OGA: variants seen among roughly 807,000 people sequenced by gnomAD.
OGA encodes protein O-GlcNAcase.
OGA carries 21 observed loss-of-function variants against 102.0 expected under a neutral mutation model. The observed-to-expected ratio is 0.21, with a 90% confidence interval of 0.15 to 0.30. The LOEUF is 0.30. OGA is among the 10% of genes least tolerant of loss of function. The pLI is 1.00. For missense variants in OGA, 765 were observed against 1,107.8 expected, an observed-to-expected ratio of 0.69 and a Z score of 4.39; for synonymous variants, 408 against 378.2, an observed-to-expected ratio of 1.08 and a Z score of -0.91.
intron 7 of OGA, among the ~76,000 whole-genome samples, chr10:101,801,756 T>G (rs1184363896): frequency 6.6e-6 from 1 of 152,018 alleles, no homozygotes; most frequent in Non-Finnish European, 1.5e-5. Flanking sequence ...AAAGCAGAGG[T>G]ATGGAATTGA....
At chr10:101,801,024 G>C (rs1393568592) in intron 7 of OGA, among the ~76,000 whole-genome samples, 1 of 151,864 alleles carries the variant, frequency 6.6e-6, no homozygotes, top group African/African-American at 2.4e-5. Flanking sequence ...GCCCACCTGG[G>C]CCTCCCAAAG....
intron 5 of OGA, among the ~76,000 whole-genome samples, chr10:101,807,512 A>G (rs980743898): frequency 3.9e-5 from 6 of 152,366 alleles, no homozygotes; most frequent in African/African-American, 1.4e-4. Context: ...TACTTCCAGT[A>G]CTTAAAAATA....
intron 15 of OGA, 97 bp downstream of exon 15, chr10:101,787,267 T>C (rs1044007975): frequency 4.0e-6 from 5 of 1,264,458 alleles, no homozygotes; most frequent in Admixed American, 2.3e-5. Context: ...AAAAGCAGTA[T>C]AAATTTACAA....
At chr10:101,798,347 G>A (rs1218706465) in intron 9 of OGA, among the ~76,000 whole-genome samples, 193 bp from the exon 10 acceptor site, 1 of 151,238 alleles carries the variant, frequency 6.6e-6, no homozygotes. Context: ...AACTAGAAGG[G>A]CAAACTATGA....
At position 101,813,577 on chromosome 10, in the gene OGA, G is replaced by T; in HGVS notation, c.229C>A (p.Gln77Lys). The T allele has an allele frequency of 1.3e-6, 2 of 1,558,652 alleles. No homozygotes were observed. The highest frequency in any genetic ancestry group is 1.8e-6 in the Non-Finnish European group (2 of 1,136,106). Residue 77 changes from glutamine to lysine, a missense_variant, in exon 2 of 16, where the codon CAG becomes AAG. By Grantham distance (53) the Gln-to-Lys change is moderately conservative (BLOSUM62 1). This residue lies in a region of OGA where 165 missense variants were observed against 249.7 expected (regional missense o/e 0.66). Transcript: ENST00000361464. Reference protein sequence around the residue: ...GFYGRPWVMEQRKELFRRLQK... With the variant: ...GFYGRPWVMEKRKELFRRLQK... Reference sequence around the variant, plus strand: ...TACCTTCTAAAGAGTTCTTTTCTCTGTTCCATAACCCAAGGTCTTCCATAA... The same window carrying T: ...TACCTTCTAAAGAGTTCTTTTCTCTTTTCCATAACCCAAGGTCTTCCATAA...
chr10:101,810,024 C>T (rs766884837), intron 4 of OGA, among the ~76,000 whole-genome samples, 160 bp downstream of exon 4: 14 of 151,934 alleles, frequency 9.2e-5, no homozygotes, highest in South Asian at 2.1e-4. Flanking sequence ...CCAGTCTGGG[C>T]GACAGAGCAA....
intron 6 of OGA, among the ~76,000 whole-genome samples, chr10:101,804,895 C>A (rs1343243401): frequency 3.3e-5 from 5 of 152,182 alleles, no homozygotes; most frequent in African/African-American, 9.7e-5. Flanking sequence ...ATGCACCCAG[C>A]CACAATTTTT....
In OGA at chr10:101,817,977, C is replaced by T. The variant is rs758138344; in HGVS notation, c.46G>A (p.Glu16Lys). The T allele has an allele frequency of 1.2e-6, 2 of 1,604,078 alleles. No individual in the cohort carries two copies. Among genetic ancestry groups the T allele is most frequent in the Non-Finnish European group, 1.7e-6 (2 of 1,173,956 alleles). The change falls in exon 1 of 16, where the codon GAG (glutamate) becomes AAG (lysine). Residue 16 changes from glutamate to lysine, a missense_variant. Coordinates refer to ENST00000361464, the MANE Select transcript of OGA (RefSeq NM_012215.5). Reference sequence around the variant, plus strand: ...GAGGCGGCAGGGTTGGAGCTGAGCTCGCTCTCCCGCTCCTCCAACGTCGCT... The same window carrying T: ...GAGGCGGCAGGGTTGGAGCTGAGCTTGCTCTCCCGCTCCTCCAACGTCGCT... Reference protein sequence around the residue: ...SQATLEERESELSSNPAASAG... With the variant: ...SQATLEERESKLSSNPAASAG...
At chr10:101,792,778 G>A in intron 12 of OGA, 61 bp downstream of exon 12, 2 of 1,200,286 alleles carry the variant, frequency 1.7e-6, no homozygotes, top group Non-Finnish European at 2.4e-6. Flanking sequence ...TGAGTTAAAA[G>A]GTTAAGTTTT....
chr10:101,818,341 C>T lies in OGA; in HGVS notation c.-319G>A. On this transcript the variant is annotated 5_prime_UTR_variant, in exon 1 of 16. Transcript: ENST00000361464. Reference sequence around the variant, plus strand: ...CCAAGGGTCCTGTCCTCGTTCTCTGCCTCTGCTGCCCTCCCGATAATCTTA... The same window carrying T: ...CCAAGGGTCCTGTCCTCGTTCTCTGTCTCTGCTGCCCTCCCGATAATCTTA... 1 of 1,124,634 alleles carries T rather than the reference C, an allele frequency of 8.9e-7. No homozygotes were observed. The highest frequency in any genetic ancestry group is 1.1e-6 in the Non-Finnish European group (1 of 916,792). 69.7% of individuals were successfully genotyped at this position (1,124,634 alleles called of 1,614,324 possible).
At chr10:101,794,766 C>T (rs1171743136) in intron 10 of OGA, among the ~76,000 whole-genome samples, 4 of 152,166 alleles carry the variant, frequency 2.6e-5, no homozygotes, top group African/African-American at 7.2e-5. Context: ...TTAAGGTCAC[C>T]AGTTAACTAA....
chr10:101,795,121 C>T (rs1408158007), intron 10 of OGA, among the ~76,000 whole-genome samples: 4 of 152,120 alleles, frequency 2.6e-5, no homozygotes, highest in African/African-American at 7.2e-5. Flanking sequence ...TTAGACTATA[C>T]GAGAACCTGT....
At chr10:101,793,197 AAAAC>A in intron 11 of OGA, among the ~76,000 whole-genome samples, 1 of 152,274 alleles carries the variant, frequency 6.6e-6, no homozygotes, top group South Asian at 2.1e-4. Flanking sequence ...AGTAAAAACA[AAAAC>A]AAAAACAAAA....
chr10:101,791,073 C>T lies in OGA; in HGVS notation c.2277G>A (p.Leu759=). Residue 759 remains leucine, a synonymous_variant, in exon 14 of 16, where the codon CTG becomes CTA. Coordinates refer to ENST00000361464, the MANE Select transcript of OGA (RefSeq NM_012215.5). The part of the protein sequence containing the change: ...DLIGDKLVGG[L]LSLSLDYCFV... Reference sequence around the variant, plus strand: ...AGCAGTAATCCAGGCTGAGGGAAAGCAGCCCTCCTACTAACCTGCTCAGAA... The same window carrying T: ...AGCAGTAATCCAGGCTGAGGGAAAGTAGCCCTCCTACTAACCTGCTCAGAA... 6.2e-7 allele frequency: 1 copy of T among 1,609,582 alleles called. No homozygotes were observed. Among genetic ancestry groups the T allele is most frequent in the Non-Finnish European group, 8.5e-7 (1 of 1,178,740 alleles).
chr10:101,817,768 C>T (rs955398886), intron 1 of OGA, 56 bp downstream of exon 1: 1 of 1,520,874 alleles, frequency 6.6e-7, no homozygotes. Context: ...CCACCACCCT[C>T]CTCCCGAGGA....
In OGA at chr10:101,810,132, T is replaced by C. The variant is rs141784617; in HGVS notation, c.480+52A>G. 4.9e-3 allele frequency: 7,378 copies of C among 1,490,594 alleles called. 20 individuals carry two copies. Among genetic ancestry groups the C allele is most frequent in the Middle Eastern group, 6.7e-3 (38 of 5,688 alleles). 92.3% of individuals were successfully genotyped at this position (1,490,594 alleles called of 1,614,324 possible). A position where few individuals can be genotyped will look rare whatever the true frequency, so the allele number is the denominator to read the frequency against. On this transcript the variant is annotated intron_variant, in intron 4 of 15. Transcript: ENST00000361464. ...ACATCGTAAAAGCAACTGAGTAAACTTCTAGTTTCAAGTACATAGTCAGGA... is the reference window on the plus strand; with the variant it reads ...ACATCGTAAAAGCAACTGAGTAAACCTCTAGTTTCAAGTACATAGTCAGGA...
rs553225713 is a variant in OGA, at chr10:101,787,120, G to T, written c.2614+244C>A. Reference sequence around the variant, plus strand: ...TGGTCTCAAACTCCTGGACTCAAGTGATCCTCCCACTTCGGCCTCCCGAAG... The same window carrying T: ...TGGTCTCAAACTCCTGGACTCAAGTTATCCTCCCACTTCGGCCTCCCGAAG... On this transcript the variant is annotated intron_variant, in intron 15 of 15. Coordinates refer to ENST00000361464, the MANE Select transcript of OGA (RefSeq NM_012215.5). Among the ~76,000 whole-genome samples the T allele has an allele frequency of 3.3e-5, 5 of 151,136 alleles. No individual in the cohort carries two copies. The East Asian group carries it at 9.7e-4, about 29-fold the overall frequency.
chr10:101,812,805 G>GA, intron 3 of OGA: 1 of 611,752 alleles, frequency 1.6e-6, no homozygotes, highest in Non-Finnish European at 3.0e-6. Flanking sequence ...CCACAGAACA[G>GA]ATGGAGTCAG....
At chr10:101,787,083 T>C (rs1345661992) in intron 15 of OGA, among the ~76,000 whole-genome samples, 1 of 147,662 alleles carries the variant, frequency 6.8e-6, no homozygotes, top group African/African-American at 2.5e-5. Context: ...GTCTCAGCCA[T>C]ATTGCTCAGG....
Sources: gnomAD v4.1 joint callset for allele counts (sites outside exome capture counted in the v4.1 genomes callset) on GRCh38, gnomAD v4.1.1 for gene constraint, gnomAD v4.1.1 regional missense constraint, MANE v1.5 for transcripts, NCBI Gene and HGNC (gene_info 2026-07-23, HGNC 2026-07-21) for gene names.